The following SLC25A21 variants were observed in gnomAD, a reference collection of about 807,000 sequenced individuals.
SLC25A21 encodes solute carrier family 25 member 21.
In SLC25A21, 47 loss-of-function variants were observed where a neutral mutation model predicts 43.8. The ratio of observed to expected loss-of-function variants is 1.07; its 90% CI spans 0.85 to 1.37. SLC25A21 has a LOEUF of 1.37. Among genes scored for constraint, SLC25A21 ranks in the 40% most tolerant of loss-of-function variants. The pLI is 0.00. For synonymous variants in SLC25A21, 131 were observed against 121.3 expected, an observed-to-expected ratio of 1.08 and a Z score of -0.52; for missense variants, 352 against 350.2, an observed-to-expected ratio of 1.00 and a Z score of -0.04.
At chr14:36,773,750 T>C (rs186625431) in intron 3 of SLC25A21, among the ~76,000 whole-genome samples, 114 of 152,296 alleles carry the variant, frequency 7.5e-4, no homozygotes, top group African/African-American at 2.3e-3. Flanking sequence ...AGGATAGAGA[T>C]GAGAAGACAG....
chr14:36,988,193 G>A lies in SLC25A21; in HGVS notation c.71-113189C>T, dbSNP rs1020869838. On this transcript the variant is annotated intron_variant, in intron 1 of 9. Transcript: ENST00000331299. ...ATCGGGGGAGAGAGGTAAGCCTCAC[G>A]AGACTTATTTTCCTTATCTGTAAAA... 2.6e-5 allele frequency among the ~76,000 whole-genome samples: 4 copies of A among 152,124 alleles called. No individual in the cohort carries two copies. In the South Asian group the frequency reaches 6.2e-4, roughly 24 times the overall value.
In SLC25A21 at chr14:36,769,787, G is replaced by A. The variant is rs148639752; in HGVS notation, c.204-35214C>T. Reference sequence around the variant, plus strand: ...AGAATATGAAACCTCAAATGTCACTGAAATACTTAAATTCTAATGTCATTT... The same window carrying A: ...AGAATATGAAACCTCAAATGTCACTAAAATACTTAAATTCTAATGTCATTT... On this transcript the variant is annotated intron_variant, in intron 3 of 9. Coordinates refer to ENST00000331299, the MANE Select transcript of SLC25A21 (RefSeq NM_030631.4). Among the ~76,000 whole-genome samples the A allele has an allele frequency of 6.8e-3, 1,037 of 152,270 alleles. 8 individuals are homozygous for A. Among genetic ancestry groups the A allele is most frequent in the Middle Eastern group, 0.02 (6 of 294 alleles).
intron 1 of SLC25A21, among the ~76,000 whole-genome samples, chr14:36,942,649 G>A (rs1347853855): frequency 6.6e-6 from 1 of 152,140 alleles, no homozygotes; most frequent in Non-Finnish European, 1.5e-5. Flanking sequence ...ACCAGCTGTG[G>A]TGAAAAATAT....
chr14:37,172,109 TC>T (rs1964141247), intron 1 of SLC25A21, 171 bp downstream of exon 1: 1 of 674,004 alleles, frequency 1.5e-6, no homozygotes, highest in Non-Finnish European at 2.5e-6. Flanking sequence ...CGCAATCAAC[TC>T]CCGGCCTCCT....
At chr14:37,047,698 G>A (rs1594768729) in intron 1 of SLC25A21, among the ~76,000 whole-genome samples, 1 of 152,300 alleles carries the variant, frequency 6.6e-6, no homozygotes, top group South Asian at 2.1e-4. Context: ...ACCAAAATGA[G>A]TCTTGGTGCA....
intron 1 of SLC25A21, among the ~76,000 whole-genome samples, chr14:37,000,306 C>T (rs1047870288): frequency 6.6e-6 from 1 of 152,086 alleles, no homozygotes; most frequent in Non-Finnish European, 1.5e-5. Context: ...ATTTCAATAG[C>T]CTTCTAAATA....
At chr14:37,003,045 A>G (rs1960521787) in intron 1 of SLC25A21, among the ~76,000 whole-genome samples, 1 of 152,184 alleles carries the variant, frequency 6.6e-6, no homozygotes, top group Non-Finnish European at 1.5e-5. Flanking sequence ...ATCTATTGAG[A>G]ATATGTTCCG....
At chr14:36,719,042 G>C (rs1884270068) in intron 6 of SLC25A21, among the ~76,000 whole-genome samples, 1 of 152,226 alleles carries the variant, frequency 6.6e-6, no homozygotes, top group African/African-American at 2.4e-5. Flanking sequence ...AAATCCTATA[G>C]ACCTCAAGGG....
intron 2 of SLC25A21, chr14:36,828,545 A>G (rs1888918888): frequency 6.6e-6 from 1 of 152,234 alleles, no homozygotes; most frequent in African/African-American, 2.4e-5. Flanking sequence ...TAAATCGCAC[A>G]CTGAGGAAAA....
intron 1 of SLC25A21, among the ~76,000 whole-genome samples, chr14:37,085,472 T>C (rs951042013): frequency 6.6e-6 from 1 of 152,238 alleles, no homozygotes; most frequent in African/African-American, 2.4e-5. Context: ...TATAATTTTA[T>C]CTTTGTGCAT....
chr14:36,867,019 A>G (rs1890232148), intron 2 of SLC25A21, among the ~76,000 whole-genome samples: 1 of 152,102 alleles, frequency 6.6e-6, no homozygotes, highest in South Asian at 2.1e-4. Context: ...TTTTGTTTCA[A>G]TGAGCCAGCG....
chr14:36,854,518 C>CATGGCTTGT (rs1889840120), intron 2 of SLC25A21, among the ~76,000 whole-genome samples: 1 of 152,134 alleles, frequency 6.6e-6, no homozygotes, highest in Admixed American at 6.5e-5. Context: ...GGAGATAATA[C>CATGGCTTGT]TAGTATTTCC....
At chr14:36,904,623 T>TCTA (rs1891485374) in intron 1 of SLC25A21, among the ~76,000 whole-genome samples, 1 of 152,214 alleles carries the variant, frequency 6.6e-6, no homozygotes, top group Admixed American at 6.5e-5. Context: ...TCCACATGGC[T>TCTA]GGGGAGGCCT....
chr14:37,006,683 A>G (rs999357532), intron 1 of SLC25A21, among the ~76,000 whole-genome samples: 3 of 152,160 alleles, frequency 2.0e-5, no homozygotes, highest in Admixed American at 2.0e-4. Flanking sequence ...TATTTTCCCC[A>G]ACATTTTAAT....
chr14:36,832,722 C>T (rs756864498), intron 2 of SLC25A21, among the ~76,000 whole-genome samples: 102 of 152,148 alleles, frequency 6.7e-4, no homozygotes, highest in Non-Finnish European at 2.2e-4. Context: ...TGCCTGTTTG[C>T]AGCTTTATGC....
At chr14:37,077,039 G>C (rs1962295362) in intron 1 of SLC25A21, among the ~76,000 whole-genome samples, 1 of 152,170 alleles carries the variant, frequency 6.6e-6, no homozygotes, top group Non-Finnish European at 1.5e-5. Context: ...AATTTGAGCT[G>C]TTTGTAACAT....
At chr14:36,855,194 G>A (rs1010968067) in intron 2 of SLC25A21, among the ~76,000 whole-genome samples, 6 of 151,972 alleles carry the variant, frequency 3.9e-5, no homozygotes, top group East Asian at 1.9e-4. Flanking sequence ...AACAAGCACC[G>A]AGAAGCTGAG....
intron 1 of SLC25A21, among the ~76,000 whole-genome samples, chr14:37,154,460 T>TA (rs200879163): frequency 2.7e-4 from 38 of 141,416 alleles, no homozygotes; most frequent in South Asian, 8.6e-4. Flanking sequence ...ACAGGAAACA[T>TA]AAAAAAAAAT....
Position 36,729,495 on chromosome 14 carries a change from A to G in SLC25A21, c.330+12T>C. ...ACACACACATTTAAGTATAATAAAT[A>G]CTCTCACTTACCAATGCTGGTGACA... On this transcript the variant is annotated intron_variant, in intron 5 of 9. Coordinates refer to ENST00000331299, the MANE Select transcript of SLC25A21 (RefSeq NM_030631.4). The G allele has an allele frequency of 6.3e-7, 1 of 1,588,298 alleles. No individual in the cohort carries two copies. Among genetic ancestry groups the G allele is most frequent in the Non-Finnish European group, 8.6e-7 (1 of 1,165,456 alleles).
Sources: allele counts gnomAD v4.1 joint callset (sites outside exome capture counted in the v4.1 genomes callset), GRCh38; gene constraint gnomAD v4.1.1; transcripts MANE v1.5; gene names NCBI Gene and HGNC (gene_info 2026-07-23, HGNC 2026-07-21).